Variants in SGK3 observed in about 807,000 individuals in gnomAD.
The protein encoded by SGK3 is serum/glucocorticoid regulated kinase family member 3.
In SGK3, 47 loss-of-function variants were observed where a neutral mutation model predicts 68.5. That is an observed-to-expected ratio of 0.69 (90% CI 0.54 to 0.87). SGK3 has a LOEUF of 0.87. Among genes scored for constraint, SGK3 ranks in the 40% least tolerant of loss-of-function variants. The pLI is 0.00. For synonymous variants in SGK3, 181 were observed against 189.1 expected (o/e 0.96, Z 0.35); for missense variants, 479 against 575.5 (o/e 0.83, Z 1.72).
intron 1 of SGK3, among the ~76,000 whole-genome samples, chr8:66,747,074 GT>G (rs150608528): frequency 2.6e-5 from 4 of 151,464 alleles, no homozygotes; most frequent in African/African-American, 4.9e-5. Flanking sequence ...AAAAAAAAGG[GT>G]TTTTTTTCCC....
At chr8:66,777,074 A>G (rs1806743564) in intron 1 of SGK3, among the ~76,000 whole-genome samples, 1 of 152,190 alleles carries the variant, frequency 6.6e-6, no homozygotes, top group Non-Finnish European at 1.5e-5. Context: ...TCCCAAAGAG[A>G]TAATGTCACA....
intron 1 of SGK3, among the ~76,000 whole-genome samples, chr8:66,738,878 C>T (rs956353128): frequency 6.6e-6 from 1 of 152,162 alleles, no homozygotes; most frequent in South Asian, 2.1e-4. Flanking sequence ...GATCTGCCTG[C>T]CTTGGCCTCC....
rs367954710 is a variant in SGK3 at position 66,793,811 on chromosome 8, A to G, written c.75A>G (p.Arg25=). ...GCATTCCCAGCTCCGATGAACACAG[A>G]GAGAAAAAGAAGAGGTTTACTGTAA... is the stretch of plus-strand genomic sequence containing the variant. ...SVSIPSSDEH[R]EKKKRFTVYK... The change falls in exon 2 of 17, where the codon AGA becomes AGG. Residue 25 remains arginine (R), a synonymous_variant. Coordinates refer to ENST00000521198, the MANE Select transcript of SGK3 (RefSeq NM_001033578.3). 1.2e-6 allele frequency: 2 copies of G among 1,613,082 alleles called. No individual in the cohort carries two copies. Among genetic ancestry groups the G allele is most frequent in the African/African-American group, 2.7e-5 (2 of 74,994 alleles).
chr8:66,789,530 G>A (rs924086031), intron 1 of SGK3, among the ~76,000 whole-genome samples: 2 of 152,132 alleles, frequency 1.3e-5, no homozygotes, highest in East Asian at 1.9e-4. Context: ...CACAGGATGG[G>A]CCTATGGTCC....
At chr8:66,717,558 A>G (rs867549479) in intron 1 of SGK3, among the ~76,000 whole-genome samples, 1 of 152,198 alleles carries the variant, frequency 6.6e-6, no homozygotes, top group East Asian at 1.9e-4. Flanking sequence ...TGGATTTCAT[A>G]TGTAATATAT....
At chr8:66,812,659 G>A (rs1390255222) in intron 4 of SGK3, among the ~76,000 whole-genome samples, 5 of 151,822 alleles carry the variant, frequency 3.3e-5, no homozygotes, top group African/African-American at 1.2e-4. Context: ...ATGATTATTA[G>A]CTATAAATAA....
chr8:66,757,060 G>A (rs1162161698), intron 1 of SGK3, among the ~76,000 whole-genome samples: 1 of 151,140 alleles, frequency 6.6e-6, no homozygotes, highest in Non-Finnish European at 1.5e-5. Context: ...TGCCCCTGAA[G>A]ATTCAATGCA....
At chr8:66,760,239 T>A (rs1203282570) in intron 1 of SGK3, among the ~76,000 whole-genome samples, 1 of 152,144 alleles carries the variant, frequency 6.6e-6, no homozygotes, top group Non-Finnish European at 1.5e-5. Context: ...GCTCTACATT[T>A]GGCTTGAAAG....
rs576977577 is a variant in SGK3, at chr8:66,767,498, G to A, written c.-121-26118G>A. 1.3e-4 allele frequency: 198 copies of A among 1,508,160 alleles called. No homozygotes were observed. The South Asian group carries it at 2.1e-3, about 16-fold the overall frequency. 93.4% of individuals were successfully genotyped at this position (1,508,160 alleles called of 1,614,324 possible). Reference sequence around the variant, plus strand: ...AGATTGGATTTCCATGGTGGAGAGGGCATCTTCAAAGGTGAAGGGGGGCCC... The same window carrying A: ...AGATTGGATTTCCATGGTGGAGAGGACATCTTCAAAGGTGAAGGGGGGCCC... On this transcript the variant is annotated intron_variant, in intron 1 of 16. Transcript: ENST00000521198.
At chr8:66,762,176 C>T (rs1043392198) in intron 1 of SGK3, among the ~76,000 whole-genome samples, 1 of 152,142 alleles carries the variant, frequency 6.6e-6, no homozygotes, top group Admixed American at 6.5e-5. Flanking sequence ...ACCATGTTGG[C>T]CAGGCTGGTT....
intron 1 of SGK3, among the ~76,000 whole-genome samples, chr8:66,761,398 G>C (rs1806160198): frequency 6.6e-6 from 1 of 152,196 alleles, no homozygotes; most frequent in Non-Finnish European, 1.5e-5. Context: ...CAAGTCACCA[G>C]TAGTTCTAGT....
chr8:66,804,553 T>C, intron 4 of SGK3, 106 bp downstream of exon 4: 1 of 1,155,912 alleles, frequency 8.7e-7, no homozygotes, highest in Non-Finnish European at 1.2e-6. Flanking sequence ...TTAAAAGATC[T>C]TATGCTCTGT....
Position 66,835,996 on chromosome 8 carries a change from G to A in SGK3, c.663G>A (p.Pro221=), listed in dbSNP as rs35809374. 97,840 of 1,613,280 alleles carry A rather than the reference G, an allele frequency of 0.061. 6,573 individuals are homozygous for A. The highest frequency in any genetic ancestry group is 0.34 in the African/African-American group (25,128 of 74,878). ...TGCTCTTGAAAAATGTGAAACATCC[G>A]TTTTTGGTTGGATTGCATTATTCCT... is the stretch of plus-strand genomic sequence containing the variant. ...RNVLLKNVKH[P]FLVGLHYSFQ... is the part of the protein sequence containing the mutation. The change falls in exon 10 of 17, where the codon CCG becomes CCA. Residue 221 remains proline (P), a synonymous_variant. Coordinates refer to ENST00000521198, the MANE Select transcript of SGK3 (RefSeq NM_001033578.3).
Position 66,841,121 on chromosome 8 carries a change from T to C in SGK3, c.978+11T>C. On this transcript the variant is annotated intron_variant, in intron 13 of 16. Transcript: ENST00000521198. ...TGTGGGACACCAGAGGTAAGAAATA[T>C]ATCTCATTGTCATTTATATAATCAT... The C allele has an allele frequency of 1.3e-6, 2 of 1,558,266 alleles. No individual in the cohort carries two copies. The highest frequency in any genetic ancestry group is 2.3e-5 in the East Asian group (1 of 43,088).
intron 1 of SGK3, among the ~76,000 whole-genome samples, chr8:66,785,404 G>A (rs1331487399): frequency 6.6e-6 from 1 of 152,230 alleles, no homozygotes; most frequent in African/African-American, 2.4e-5. Flanking sequence ...TGTGTTAGAT[G>A]TGAGCGCTTA....
intron 6 of SGK3, among the ~76,000 whole-genome samples, chr8:66,824,818 T>C (rs533020165): frequency 1.1e-4 from 17 of 152,228 alleles, no homozygotes; most frequent in Non-Finnish European, 2.5e-4. Flanking sequence ...ATATGCATAT[T>C]CACACAGTAT....
intron 6 of SGK3, among the ~76,000 whole-genome samples, chr8:66,823,858 G>A (rs1439721918): frequency 6.6e-6 from 1 of 152,084 alleles, no homozygotes; most frequent in Non-Finnish European, 1.5e-5. Flanking sequence ...TATTATAAAT[G>A]TTATATAACT....
chr8:66,799,843 C>G (rs1246653819), intron 3 of SGK3, among the ~76,000 whole-genome samples: 1 of 152,084 alleles, frequency 6.6e-6, no homozygotes, highest in African/African-American at 2.4e-5. Flanking sequence ...AGGCTGGTCT[C>G]AAACTCCTGG....
chr8:66,811,691 C>T (rs1808388384), intron 4 of SGK3, among the ~76,000 whole-genome samples: 1 of 152,238 alleles, frequency 6.6e-6, no homozygotes, highest in Admixed American at 6.5e-5. Flanking sequence ...TTCCTCTCTT[C>T]ACACTGGCCT....
Sources: gnomAD v4.1 joint callset for allele counts (sites outside exome capture counted in the v4.1 genomes callset) on GRCh38, gnomAD v4.1.1 for gene constraint, MANE v1.5 for transcripts, NCBI Gene and HGNC (gene_info 2026-07-23, HGNC 2026-07-21) for gene names.